The following OCA2 variants were observed in gnomAD, a reference collection of about 807,000 sequenced individuals.
OCA2 encodes the protein P protein.
A neutral mutation model predicts 100.2 loss-of-function variants in OCA2; 77 were observed. That is an observed-to-expected ratio of 0.77 (90% CI 0.64 to 0.93). The LOEUF (loss-of-function observed/expected upper bound fraction) is 0.93, where lower values mean the gene tolerates loss of function less well. Among genes scored for constraint, OCA2 ranks in the 40% least tolerant of loss-of-function variants. OCA2 has a pLI of 0.00. For synonymous variants in OCA2, 432 were observed against 439.2 expected (o/e 0.98, Z 0.21); for missense variants, 1,062 against 1,089.1 (o/e 0.98, Z 0.35).
intron 23 of OCA2, among the ~76,000 whole-genome samples, chr15:27,842,563 G>C (rs2035379993): frequency 6.6e-6 from 1 of 152,136 alleles, no homozygotes; most frequent in African/African-American, 2.4e-5. Context: ...CATTCCCTGG[G>C]CAAAAACTGC....
In OCA2 at chr15:27,871,194, G is replaced by A. The variant is rs972353646; in HGVS notation, c.2204C>T (p.Ala735Val). Residue 735 changes from alanine (A) to valine (V), a missense_variant, in exon 21 of 24, where the codon GCG becomes GTG. Ala to Val is a moderately conservative substitution (Grantham distance 64). Transcript: ENST00000354638. ...IVLVVWVSAL[A>V]SSLIDNIPFT... ...CGGGATGTTGTCAATCAGGGACGAC[G>A]CCAGGGCTGAGACCCACACCACCAG... The A allele has an allele frequency of 5.6e-6, 9 of 1,614,000 alleles. No individual in the cohort carries two copies. The highest frequency in any genetic ancestry group is 4.5e-5 in the East Asian group (2 of 44,892).
At chr15:27,724,484 G>C in the OCA2 span, among the ~76,000 whole-genome samples, 1 of 152,144 alleles carries the variant, frequency 6.6e-6, no homozygotes, top group Non-Finnish European at 1.5e-5. Flanking sequence ...CCCCTTTTAA[G>C]ACCCTATCTC....
At chr15:27,865,043 C>T (rs2036269988) in intron 21 of OCA2, among the ~76,000 whole-genome samples, 1 of 151,896 alleles carries the variant, frequency 6.6e-6, no homozygotes, top group South Asian at 2.1e-4. Context: ...GAGAAATATC[C>T]TGAACAAATG....
rs555694496 is a variant in OCA2, at chr15:28,097,344, C to G, written c.-22+1880G>C. ...AACCCCAAATGGAAACTGCGGAAAC[C>G]CAACAACCAGCGAGTGAGCTGGTAG... is the stretch of plus-strand genomic sequence containing the variant. On this transcript the variant is annotated intron_variant, in intron 1 of 23. Coordinates refer to ENST00000354638, the MANE Select transcript of OCA2 (RefSeq NM_000275.3). Among the ~76,000 whole-genome samples the G allele has an allele frequency of 2.0e-5, 3 of 152,358 alleles. No individual in the cohort carries two copies. In the South Asian group the frequency reaches 6.2e-4, roughly 32 times the overall value.
rs529392939 is a variant in OCA2, at chr15:27,777,499, A to G, written c.2433-22027T>C. Among the ~76,000 whole-genome samples the G allele has an allele frequency of 9.8e-5, 15 of 152,358 alleles. No individual in the cohort carries two copies. In the South Asian group the frequency reaches 2.9e-3, roughly 29 times the overall value. On this transcript the variant is annotated intron_variant, in intron 23 of 23. Transcript: ENST00000354638. ...TGACTATATGCTAAAGGCAAAAAAC[A>G]AACCAAAAAATCACCTACTAAATGT...
the OCA2 span, among the ~76,000 whole-genome samples, chr15:27,723,579 G>A: frequency 1.3e-5 from 2 of 151,880 alleles, no homozygotes; most frequent in Non-Finnish European, 2.9e-5. Flanking sequence ...CCGACCTGGG[G>A]GCAGGTCAGA....
At chr15:28,020,675 A>G (rs1039897832) in intron 6 of OCA2, among the ~76,000 whole-genome samples, 7 of 151,990 alleles carry the variant, frequency 4.6e-5, no homozygotes, top group Admixed American at 2.6e-4. Context: ...GTTCTCTCAC[A>G]TGGAGATACT....
chr15:28,056,414 G>A (rs575424411), intron 2 of OCA2, among the ~76,000 whole-genome samples: 1 of 152,292 alleles, frequency 6.6e-6, no homozygotes, highest in Non-Finnish European at 1.5e-5. Context: ...TTGTCCACAG[G>A]AGGAACAAGA....
intron 14 of OCA2, among the ~76,000 whole-genome samples, chr15:27,967,770 A>G (rs1052897710): frequency 2.0e-5 from 3 of 152,218 alleles, no homozygotes; most frequent in African/African-American, 7.2e-5. Flanking sequence ...GGGTATCTTT[A>G]GAGTTGGGCA....
chr15:27,835,537 C>T (rs1432088619), intron 23 of OCA2, among the ~76,000 whole-genome samples: 1 of 152,236 alleles, frequency 6.6e-6, no homozygotes, highest in African/African-American at 2.4e-5. Flanking sequence ...CTTTCAAATT[C>T]CATGAAGATG....
intron 23 of OCA2, among the ~76,000 whole-genome samples, chr15:27,761,659 A>G: frequency 6.6e-6 from 1 of 152,196 alleles, no homozygotes; most frequent in East Asian, 1.9e-4. Flanking sequence ...TAGAATAGCA[A>G]AGACAATCTT....
chr15:27,772,014 T>C (rs1010054505), intron 23 of OCA2, among the ~76,000 whole-genome samples: 20 of 152,198 alleles, frequency 1.3e-4, no homozygotes, highest in Admixed American at 1.2e-3. Context: ...CTAGACATTA[T>C]TCCCAAGCAC....
At chr15:28,083,195 G>A (rs1595930625) in intron 1 of OCA2, among the ~76,000 whole-genome samples, 1 of 152,352 alleles carries the variant, frequency 6.6e-6, no homozygotes, top group Admixed American at 6.5e-5. Context: ...GATGAAAGGA[G>A]TTTGCTGTGA....
At chr15:28,049,595 A>G (rs1176544713) in intron 2 of OCA2, among the ~76,000 whole-genome samples, 2 of 152,238 alleles carry the variant, frequency 1.3e-5, no homozygotes, top group Non-Finnish European at 2.9e-5. Context: ...TTAATAAAAT[A>G]TGGTATATAC....
chr15:27,854,415 C>G (rs1189709375), intron 21 of OCA2, among the ~76,000 whole-genome samples: 1 of 152,162 alleles, frequency 6.6e-6, no homozygotes, highest in Non-Finnish European at 1.5e-5. Context: ...TGAGAAGGAG[C>G]CCTTCATATT....
the OCA2 span, among the ~76,000 whole-genome samples, chr15:27,720,279 T>G: frequency 6.6e-6 from 1 of 151,448 alleles, no homozygotes; most frequent in Non-Finnish European, 1.5e-5. Flanking sequence ...GAATACTACT[T>G]AGGGGAGAGA....
the OCA2 span, among the ~76,000 whole-genome samples, chr15:27,739,021 T>C: frequency 6.6e-6 from 1 of 152,248 alleles, no homozygotes; most frequent in Admixed American, 6.5e-5. Flanking sequence ...GACCAGTGTG[T>C]CTGAGGTTGA....
At chr15:27,808,871 G>T (rs1046527763) in intron 23 of OCA2, among the ~76,000 whole-genome samples, 1 of 152,216 alleles carries the variant, frequency 6.6e-6, no homozygotes. Flanking sequence ...GACAACGGCT[G>T]TCCTGCTCCC....
At chr15:27,990,892 G>A (rs115344104) in intron 9 of OCA2, among the ~76,000 whole-genome samples, 15 of 152,312 alleles carry the variant, frequency 9.8e-5, no homozygotes, top group African/African-American at 2.4e-4. Context: ...ATAAAGCAGC[G>A]GAAGGCCAGA....
Sources: gnomAD v4.1 joint callset for allele counts (sites outside exome capture counted in the v4.1 genomes callset) on GRCh38, gnomAD v4.1.1 for gene constraint, MANE v1.5 for transcripts, NCBI Gene and HGNC (gene_info 2026-07-23, HGNC 2026-07-21) for gene names.